IQCH: variants seen among roughly 807,000 people sequenced by gnomAD.
The protein encoded by IQCH is IQ motif containing H, also known as IQ domain-containing protein H.
Under a neutral mutation model 117.0 loss-of-function variants are expected in IQCH, and 98 were observed. The ratio of observed to expected loss-of-function variants is 0.84; its 90% confidence interval spans 0.71 to 0.99. The LOEUF is 0.99. IQCH is among the 50% of genes least tolerant of loss of function. IQCH has a pLI of 0.00. For missense variants in IQCH, 1,102 were observed against 1,243.8 expected, an observed-to-expected ratio of 0.89 and a Z score of 1.72; for synonymous variants, 412 against 448.2, an observed-to-expected ratio of 0.92 and a Z score of 1.02.
chr15:67,257,318 A>G (rs941951516), intron 1 of IQCH, among the ~76,000 whole-genome samples: 4 of 152,242 alleles, frequency 2.6e-5, no homozygotes, highest in Non-Finnish European at 5.9e-5. Flanking sequence ...TGTTTCTGGC[A>G]AGTCAGTGAC....
intron 4 of IQCH, among the ~76,000 whole-genome samples, chr15:67,289,655 A>G (rs2140498890): frequency 6.6e-6 from 1 of 152,284 alleles, no homozygotes; most frequent in Non-Finnish European, 1.5e-5. Flanking sequence ...GGAAATGCCT[A>G]ACAGGCAGCT....
At chr15:67,361,293 A>C (rs1178059709) in intron 8 of IQCH, among the ~76,000 whole-genome samples, 1 of 152,172 alleles carries the variant, frequency 6.6e-6, no homozygotes, top group Non-Finnish European at 1.5e-5. Flanking sequence ...ACATATACTG[A>C]GTGCTTACTC....
rs1424645744 is a variant in IQCH, at chr15:67,387,444, C to CA, written c.1457-1386dup. Among the ~76,000 whole-genome samples the CA allele has an allele frequency of 1.3e-5, 2 of 152,078 alleles. No individual in the cohort carries two copies. The highest frequency in any genetic ancestry group is 2.9e-5 in the Non-Finnish European group (2 of 68,008). On this transcript the variant is annotated intron_variant, in intron 11 of 20. Coordinates refer to ENST00000335894, the MANE Select transcript of IQCH (RefSeq NM_001031715.3). This position sits in a 1 kb window ranked among gnomAD's most constrained non-coding sequence, Gnocchi z 4.8. Reference sequence around the variant, plus strand: ...GACTCCTACATACTCCACACTGTGCCAGGGCTTAGGGGAATATAAGAAATA... The same window carrying CA: ...GACTCCTACATACTCCACACTGTGCCAAGGGCTTAGGGGAATATAAGAAATA...
chr15:67,498,540 C>T (rs2083888039), intron 20 of IQCH, among the ~76,000 whole-genome samples: 1 of 151,152 alleles, frequency 6.6e-6, no homozygotes, highest in African/African-American at 2.4e-5. Context: ...CACTTGAACT[C>T]AGGAGGCAAA....
Position 67,356,081 on chromosome 15 carries a change from TA to T in IQCH, c.638-1263del, listed in dbSNP as rs1969879619. Among the ~76,000 whole-genome samples the T allele has an allele frequency of 6.6e-6, 1 of 152,094 alleles. No individual in the cohort carries two copies. The highest frequency in any genetic ancestry group is 2.4e-5 in the African/African-American group (1 of 41,416). On this transcript the variant is annotated intron_variant, in intron 6 of 20. Coordinates refer to ENST00000335894, the MANE Select transcript of IQCH (RefSeq NM_001031715.3). The surrounding 1 kb of genome is among the most constrained non-coding windows in gnomAD (Gnocchi z 5.3). ...AAAATTGTACTGAGTCTGCAGACAA[TA>T]GGAATAACAAATTTTACTGGTGAAT...
intron 18 of IQCH, among the ~76,000 whole-genome samples, chr15:67,482,918 T>G (rs1596475512): frequency 6.6e-6 from 1 of 152,188 alleles, no homozygotes; most frequent in African/African-American, 2.4e-5. Context: ...TTTACTTTGG[T>G]GAGCTGCCTA....
intron 16 of IQCH, among the ~76,000 whole-genome samples, chr15:67,428,616 C>T (rs771805730): frequency 6.6e-6 from 1 of 151,902 alleles, no homozygotes; most frequent in Non-Finnish European, 1.5e-5. Flanking sequence ...TTTGGGAGAC[C>T]GAGGCGGGTG....
At chr15:67,397,650 C>T (rs1036459431) in intron 13 of IQCH, among the ~76,000 whole-genome samples, 4 of 152,124 alleles carry the variant, frequency 2.6e-5, no homozygotes, top group Admixed American at 6.6e-5. Context: ...AAGAAAGCTG[C>T]GATTATTTTA....
chr15:67,442,042 AAAC>A (rs2082280632), intron 16 of IQCH, among the ~76,000 whole-genome samples: 1 of 152,190 alleles, frequency 6.6e-6, no homozygotes, highest in Admixed American at 6.5e-5. Context: ...AGTAAGAAAA[AAAC>A]AATCCCATCA....
intron 3 of IQCH, among the ~76,000 whole-genome samples, chr15:67,271,124 G>A (rs1038569470): frequency 9.2e-5 from 14 of 151,930 alleles, no homozygotes; most frequent in Middle Eastern, 3.4e-3. Context: ...ACACACCACC[G>A]TGCCCGGCTA....
At chr15:67,258,685 G>T (rs1965335516) in intron 1 of IQCH, among the ~76,000 whole-genome samples, 1 of 152,144 alleles carries the variant, frequency 6.6e-6, no homozygotes, top group African/African-American at 2.4e-5. Flanking sequence ...GCAAATCTTT[G>T]CTGCATTAAA....
intron 4 of IQCH, among the ~76,000 whole-genome samples, chr15:67,313,917 T>C (rs1967721597): frequency 6.6e-6 from 1 of 152,192 alleles, no homozygotes; most frequent in Non-Finnish European, 1.5e-5. Flanking sequence ...AATAGTACTT[T>C]TTTGAATAAC....
rs2082976245 is a variant in IQCH at position 67,467,979 on chromosome 15, A to C, written c.2676+2682A>C. Among the ~76,000 whole-genome samples, 1 of 152,124 alleles carries C rather than the reference A, an allele frequency of 6.6e-6. No homozygotes were observed. On this transcript the variant is annotated intron_variant, in intron 17 of 20. Coordinates refer to ENST00000335894, the MANE Select transcript of IQCH (RefSeq NM_001031715.3). The surrounding 1 kb of genome is among the most constrained non-coding windows in gnomAD (Gnocchi z 5.7). The stretch of plus-strand genomic sequence containing the variant: ...AACAGGTGGGAGAACTGTCACTCAG[A>C]CCCATTTAGACCAGGTGAATGGGTT...
chr15:67,464,268 C>T (rs1351714178), intron 16 of IQCH, among the ~76,000 whole-genome samples: 1 of 152,116 alleles, frequency 6.6e-6, no homozygotes, highest in Non-Finnish European at 1.5e-5. Context: ...TGGGGGATGA[C>T]AAGGGCAATT....
chr15:67,264,107 C>T (rs932971161), intron 3 of IQCH, among the ~76,000 whole-genome samples: 1 of 152,168 alleles, frequency 6.6e-6, no homozygotes, highest in African/African-American at 2.4e-5. Context: ...TACATTGGAC[C>T]TGTCTCCCTT....
At chr15:67,281,037 G>C (rs1487824663) in intron 4 of IQCH, among the ~76,000 whole-genome samples, 1 of 151,990 alleles carries the variant, frequency 6.6e-6, no homozygotes. Context: ...GTAGAGATGG[G>C]GTTTCACCAT....
intron 6 of IQCH, among the ~76,000 whole-genome samples, chr15:67,350,538 T>C (rs955212360): frequency 6.6e-6 from 1 of 151,982 alleles, no homozygotes; most frequent in Non-Finnish European, 1.5e-5. Flanking sequence ...GCAATTCTCC[T>C]GCCTCAGCCT....
chr15:67,378,630 T>G (rs1970817586), intron 10 of IQCH, among the ~76,000 whole-genome samples: 1 of 152,006 alleles, frequency 6.6e-6, no homozygotes, highest in African/African-American at 2.4e-5. Context: ...TCATTTATAC[T>G]GGTTAGATCA....
At chr15:67,327,517 T>C (rs993965953) in intron 4 of IQCH, among the ~76,000 whole-genome samples, 4 of 152,360 alleles carry the variant, frequency 2.6e-5, no homozygotes, top group Admixed American at 2.0e-4. Flanking sequence ...TTTTATTGCC[T>C]ACTTTTTCTT....
Sources: gnomAD v4.1 joint callset for allele counts (sites outside exome capture counted in the v4.1 genomes callset) on GRCh38, gnomAD v4.1.1 for gene constraint, Gnocchi (gnomAD v3.1) non-coding constraint, MANE v1.5 for transcripts, NCBI Gene and HGNC (gene_info 2026-07-23, HGNC 2026-07-21) for gene names.